The following TNS1 variants were observed in gnomAD, a reference collection of about 807,000 sequenced individuals.
The protein encoded by TNS1 is tensin 1, also known as tensin-1.
A neutral mutation model predicts 168.6 loss-of-function variants in TNS1; 62 were observed. The observed-to-expected ratio is 0.37, with a 90% CI of 0.30 to 0.45. The LOEUF (loss-of-function observed/expected upper bound fraction) is 0.45. Ranked by LOEUF, TNS1 falls within the 20% of genes least tolerant of loss-of-function variation. TNS1 has a pLI of 1.00. For missense variants in TNS1, 2,240 were observed against 2,339.4 expected, an observed-to-expected ratio of 0.96 and a Z score of 0.88; for synonymous variants, 934 against 933.2, an observed-to-expected ratio of 1.00 and a Z score of -0.02.
In TNS1 at chr2:217,818,459, G is replaced by C; in HGVS notation, c.3873C>G (p.Thr1291=). 5 of 1,614,162 alleles carry C rather than the reference G, an allele frequency of 3.1e-6. No individual in the cohort carries two copies. Among genetic ancestry groups the C allele is most frequent in the Non-Finnish European group, 4.2e-6 (5 of 1,180,010 alleles). ...CGAAGCCAGGACTAGGGGGAGTGTT[G>C]GTGCCCACTGTTCTGTGGCGCGCCT... is the stretch of plus-strand genomic sequence containing the variant. ...SPQARHRTVG[T]NTPPSPGFGW... The change falls in exon 24 of 33, where the codon ACC becomes ACG. Residue 1291 remains threonine (T), a synonymous_variant. Coordinates refer to ENST00000682258, the MANE Select transcript of TNS1 (RefSeq NM_001387777.1).
Position 217,880,895 on chromosome 2 carries a change from T to C in TNS1, c.1429+3A>G. 1 of 1,611,878 alleles carries C rather than the reference T, an allele frequency of 6.2e-7. No homozygotes were observed. The highest frequency in any genetic ancestry group is 1.1e-5 in the South Asian group (1 of 91,024). On this transcript the variant is annotated splice_donor_region_variant and intron_variant, in intron 18 of 32. Coordinates refer to ENST00000682258, the MANE Select transcript of TNS1 (RefSeq NM_001387777.1). The surrounding 1 kb of genome is among the most constrained non-coding windows in gnomAD (Gnocchi z 4.2). ...GGGCTGGGAGCCACTAGGTCCCACC[T>C]ACCCTCCATGCCGTCATCTCGATGC...
rs1048583481 is a variant in TNS1, at chr2:217,879,408, C to T, written c.1429+1490G>A. ...AATTCGCTCCAGCCTCTGCTTTCTG[C>T]TTGGCCGCTCAGCGCCCGGGGATGG... On this transcript the variant is annotated intron_variant, in intron 18 of 32. Transcript: ENST00000682258. 7 of 453,692 alleles carry T rather than the reference C, an allele frequency of 1.5e-5. No individual in the cohort carries two copies. The East Asian group carries it at 2.1e-4, about 14-fold the overall frequency. The allele number at this position is 453,692 out of a possible 1,614,324, so 28.1% of individuals were successfully genotyped here.
At chr2:217,941,534 G>C (rs756260851) in intron 3 of TNS1, among the ~76,000 whole-genome samples, 1 of 152,182 alleles carries the variant, frequency 6.6e-6, no homozygotes, top group Non-Finnish European at 1.5e-5. Context: ...TTGGCAGGAA[G>C]GAGGGGGCCC....
At chr2:217,999,516 G>A (rs1958524926) in intron 1 of TNS1, among the ~76,000 whole-genome samples, 1 of 152,148 alleles carries the variant, frequency 6.6e-6, no homozygotes, top group Non-Finnish European at 1.5e-5. Flanking sequence ...AGAATAAAAG[G>A]GCAGTGCTCT....
chr2:217,847,668 G>A lies in TNS1; in HGVS notation c.2849C>T (p.Thr950Ile), dbSNP rs751089957. Residue 950 changes from threonine to isoleucine, a missense_variant, in exon 19 of 33, where the codon ACC (threonine) becomes ATC (isoleucine). Thr to Ile is a moderately conservative substitution (Grantham distance 89, BLOSUM62 -1). Around this residue, in one of 2 missense-constraint regions of TNS1, gnomAD observed 2,131 missense variants for 2,171.2 expected, o/e 0.98. Transcript: ENST00000682258. The stretch of plus-strand genomic sequence containing the variant: ...CTGAGGCCCTGGAGGGCTGTGGGTG[G>A]TCGGAAGGAAGGCAGGCAAGGAGGA... ...ASSSLPAFLP[T>I]THSPPGPQQP... 3.1e-6 allele frequency: 5 copies of A among 1,597,348 alleles called. No individual in the cohort carries two copies. In the South Asian group the frequency reaches 5.5e-5, roughly 18 times the overall value.
At position 217,911,010 on chromosome 2, in the gene TNS1, C is replaced by A. The variant is rs1408764169; in HGVS notation, c.229-3759G>T. 2.0e-5 allele frequency among the ~76,000 whole-genome samples: 3 copies of A among 152,174 alleles called. No individual in the cohort carries two copies. In the East Asian group the frequency reaches 5.8e-4, roughly 29 times the overall value. On this transcript the variant is annotated intron_variant, in intron 4 of 32. Coordinates refer to ENST00000682258, the MANE Select transcript of TNS1 (RefSeq NM_001387777.1). ...TCCTGCTGGCAGGGTGAGCTGGTGC[C>A]TCCCTGCAGGCTCTTCTTTTCCTTC...
At chr2:217,926,160 G>A (rs1230108892) in intron 3 of TNS1, among the ~76,000 whole-genome samples, 1 of 152,178 alleles carries the variant, frequency 6.6e-6, no homozygotes, top group Non-Finnish European at 1.5e-5. Flanking sequence ...CAAGAAGAGA[G>A]GTCTCAGGAG....
intron 1 of TNS1, among the ~76,000 whole-genome samples, chr2:218,021,844 A>G (rs966059370): frequency 6.6e-6 from 1 of 152,218 alleles, no homozygotes; most frequent in Non-Finnish European, 1.5e-5. Context: ...ATTTTTAGCC[A>G]GGACCCAGCA....
At chr2:217,981,205 C>T (rs1453310266) in intron 2 of TNS1, among the ~76,000 whole-genome samples, 3 of 152,198 alleles carry the variant, frequency 2.0e-5, no homozygotes, top group African/African-American at 7.2e-5. Flanking sequence ...CAGACCAGCC[C>T]CAGGGACACA....
chr2:217,805,595 CCACACACCA>C (rs2125042422), intron 32 of TNS1, among the ~76,000 whole-genome samples: 1 of 38,452 alleles, frequency 2.6e-5, no homozygotes, highest in Non-Finnish European at 5.9e-5. Flanking sequence ...ACACACACCA[CCACACACCA>C]CACACACCAC....
At position 217,848,973 on chromosome 2, in the gene TNS1, G is replaced by A. The variant is rs766604784; in HGVS notation, c.1544C>T (p.Ser515Leu). The A allele has an allele frequency of 1.1e-5, 17 of 1,613,976 alleles. No homozygotes were observed. In the East Asian group the frequency reaches 1.1e-4, roughly 11 times the overall value. ...GTGTTCCACGTGGTTGGGGGTGGCC[G>A]ACAGTGTAGGACGTGTGGCATTAAC... ...GAVNATRPTL[S>L]ATPNHVEHTL... Residue 515 changes from serine to leucine, a missense_variant, in exon 19 of 33, where the codon TCG becomes TTG. By Grantham distance (145) the Ser-to-Leu change is moderately radical. Transcript: ENST00000682258.
intron 3 of TNS1, among the ~76,000 whole-genome samples, chr2:217,949,083 G>C (rs1957183083): frequency 6.6e-6 from 1 of 152,176 alleles, no homozygotes; most frequent in Non-Finnish European, 1.5e-5. Flanking sequence ...AAGAGCACTT[G>C]GGTTCAGCAC....
At chr2:217,950,647 A>G (rs1297394675) in intron 3 of TNS1, among the ~76,000 whole-genome samples, 2 of 149,606 alleles carry the variant, frequency 1.3e-5, no homozygotes, top group Non-Finnish European at 3.0e-5. Context: ...TAGTAGCCCT[A>G]TGGAGACCGA....
At chr2:217,919,749 G>A (rs1469312714) in intron 4 of TNS1, among the ~76,000 whole-genome samples, 2 of 152,350 alleles carry the variant, frequency 1.3e-5, no homozygotes, top group African/African-American at 4.8e-5. Flanking sequence ...TCAAGCCAAG[G>A]GGCTTAGAGG....
rs1167573153 is a variant in TNS1 at position 217,943,083 on chromosome 2, G to C, written c.187-22847C>G. Among the ~76,000 whole-genome samples, 3 of 152,148 alleles carry C rather than the reference G, an allele frequency of 2.0e-5. No homozygotes were observed. The East Asian group carries it at 5.8e-4, about 29-fold the overall frequency. On this transcript the variant is annotated intron_variant, in intron 3 of 32. Coordinates refer to ENST00000682258, the MANE Select transcript of TNS1 (RefSeq NM_001387777.1). Reference sequence around the variant, plus strand: ...AGTCAGAGGACAGGAGGGGTGGGGGGAGAGGGAGGAGCAGGGGGAAGGCAG... The same window carrying C: ...AGTCAGAGGACAGGAGGGGTGGGGGCAGAGGGAGGAGCAGGGGGAAGGCAG...
intron 3 of TNS1, among the ~76,000 whole-genome samples, chr2:217,975,552 G>T (rs1225801474): frequency 6.6e-6 from 1 of 152,070 alleles, no homozygotes; most frequent in Non-Finnish European, 1.5e-5. Context: ...ACCAACATCA[G>T]CAAGAAACCC....
At chr2:217,974,108 A>G (rs1392022795) in intron 3 of TNS1, among the ~76,000 whole-genome samples, 1 of 152,248 alleles carries the variant, frequency 6.6e-6, no homozygotes, top group African/African-American at 2.4e-5. Flanking sequence ...GATACAGATA[A>G]AGATAGCAAT....
intron 18 of TNS1, among the ~76,000 whole-genome samples, chr2:217,868,565 AT>A (rs1190640320): frequency 4.6e-5 from 7 of 152,240 alleles, no homozygotes; most frequent in African/African-American, 1.7e-4. Context: ...GCAAAAGTTA[AT>A]GCTTAGTAAT....
intron 22 of TNS1, among the ~76,000 whole-genome samples, chr2:217,828,377 T>C (rs565593661): frequency 1.3e-5 from 2 of 151,946 alleles, no homozygotes; most frequent in Admixed American, 1.3e-4. Flanking sequence ...GCTTAGGGGG[T>C]GGAAAATCAA....
Sources: gnomAD v4.1 joint callset for allele counts (sites outside exome capture counted in the v4.1 genomes callset) on GRCh38, gnomAD v4.1.1 for gene constraint, gnomAD v4.1.1 regional missense constraint, Gnocchi (gnomAD v3.1) non-coding constraint, MANE v1.5 for transcripts, NCBI Gene and HGNC (gene_info 2026-07-23, HGNC 2026-07-21) for gene names.